Variants in KCNH7 observed in about 807,000 individuals in gnomAD.
KCNH7 encodes the protein voltage-gated inwardly rectifying potassium channel KCNH7.
KCNH7 carries 49 observed loss-of-function variants against 120.8 expected under a neutral mutation model. The ratio of observed to expected loss-of-function variants is 0.41; its 90% confidence interval spans 0.32 to 0.51. The LOEUF is 0.51. Ranked by LOEUF, KCNH7 falls within the 20% of genes least tolerant of loss-of-function variation. The pLI is 0.38. For synonymous variants in KCNH7, 547 were observed against 516.1 expected, an observed-to-expected ratio of 1.06 and a Z score of -0.81; for missense variants, 1,097 against 1,446.6, an observed-to-expected ratio of 0.76 and a Z score of 3.92.
chr2:162,517,387 C>T (rs1691341817), intron 4 of KCNH7, among the ~76,000 whole-genome samples: 1 of 151,778 alleles, frequency 6.6e-6, no homozygotes, highest in South Asian at 2.1e-4. Flanking sequence ...TGATCATTTG[C>T]TAAATGCAGC....
At position 162,469,995 on chromosome 2, in the gene KCNH7, T is replaced by C. The variant is rs573634505; in HGVS notation, c.1129-23552A>G. On this transcript the variant is annotated intron_variant, in intron 6 of 15. Transcript: ENST00000332142. ...AGGTGCCGGGATTGCAGACGGAGTC[T>C]CGTTCACTCAGTGCTCAATGGTGCC... Among the ~76,000 whole-genome samples the C allele has an allele frequency of 5.3e-5, 8 of 152,330 alleles. No individual in the cohort carries two copies. The South Asian group carries it at 1.7e-3, about 32-fold the overall frequency.
intron 5 of KCNH7, among the ~76,000 whole-genome samples, chr2:162,506,369 G>C (rs959738374): frequency 1.2e-4 from 18 of 151,838 alleles, no homozygotes; most frequent in African/African-American, 4.1e-4. Flanking sequence ...ATGCATACCA[G>C]GATAGTGTTT....
chr2:162,558,385 A>T (rs1692934011), intron 2 of KCNH7, among the ~76,000 whole-genome samples: 1 of 151,952 alleles, frequency 6.6e-6, no homozygotes, highest in South Asian at 2.1e-4. Context: ...CATCTTAGCC[A>T]GGATGGTCTC....
rs1256430345 is a variant in KCNH7, at chr2:162,446,373, A to G, written c.1199T>C (p.Ile400Thr). Residue 400 changes from isoleucine to threonine, a missense_variant, in exon 7 of 16, where the codon ATA becomes ACA. By Grantham distance (89) the Ile-to-Thr change is moderately conservative. Coordinates refer to ENST00000332142, the MANE Select transcript of KCNH7 (RefSeq NM_033272.4). ...LQTPRINKFT[I>T]LHYSPFKAVW... ...TGCCTTGAAAGGGCTGTAGTGCAAT[A>G]TCGTAAACTTGTTGATGCGTGGTGT... 1 of 1,613,654 alleles carries G rather than the reference A, an allele frequency of 6.2e-7. No individual in the cohort carries two copies. The highest frequency in any genetic ancestry group is 2.2e-5 in the East Asian group (1 of 44,868).
At chr2:162,748,182 G>A (rs1688380510) in intron 2 of KCNH7, among the ~76,000 whole-genome samples, 1 of 152,150 alleles carries the variant, frequency 6.6e-6, no homozygotes. Context: ...ATAGCCCTTG[G>A]GGAAATCCTG....
At chr2:162,505,878 T>C (rs979341561) in intron 5 of KCNH7, among the ~76,000 whole-genome samples, 1 of 151,854 alleles carries the variant, frequency 6.6e-6, no homozygotes, top group Non-Finnish European at 1.5e-5. Flanking sequence ...CACTTAAAAA[T>C]TAGACTTTAA....
In KCNH7 at chr2:162,446,445, TGAA is replaced by T. The variant is rs1688579982; in HGVS notation, c.1129-5_1129-3del. On this transcript the variant is annotated splice_polypyrimidine_tract_variant and splice_region_variant and intron_variant, in intron 6 of 15. Coordinates refer to ENST00000332142, the MANE Select transcript of KCNH7 (RefSeq NM_033272.4). The stretch of plus-strand genomic sequence containing the variant: ...GACATCTGCTCCTAAAGAGAGAACC[TGAA>T]TGTGCAAAAGAAAATCATACACTAC... 1 of 1,594,968 alleles carries T rather than the reference TGAA, an allele frequency of 6.3e-7. No homozygotes were observed. The highest frequency in any genetic ancestry group is 8.5e-7 in the Non-Finnish European group (1 of 1,170,066).
chr2:162,817,712 AC>A (rs760199284), intron 2 of KCNH7, among the ~76,000 whole-genome samples: 15 of 152,082 alleles, frequency 9.9e-5, no homozygotes, highest in Non-Finnish European at 1.6e-4. Context: ...CCACATCTTC[AC>A]CAACATTTGG....
At chr2:162,698,462 A>G (rs1048768153) in intron 2 of KCNH7, among the ~76,000 whole-genome samples, 4 of 149,582 alleles carry the variant, frequency 2.7e-5, no homozygotes, top group African/African-American at 9.9e-5. Context: ...CCATTGCATG[A>G]GTTTTTTTCA....
chr2:162,390,151 A>T (rs1396495643), intron 12 of KCNH7, among the ~76,000 whole-genome samples: 1 of 151,932 alleles, frequency 6.6e-6, no homozygotes, highest in African/African-American at 2.4e-5. Context: ...TTCTGTCAAC[A>T]GAAAGCGTTG....
At chr2:162,519,537 T>G (rs1178195925) in intron 3 of KCNH7, among the ~76,000 whole-genome samples, 11 of 151,896 alleles carry the variant, frequency 7.2e-5, no homozygotes, top group African/African-American at 1.9e-4. Flanking sequence ...ATGTATCTTT[T>G]TTTATGTCAA....
chr2:162,389,671 T>A (rs915311525), intron 12 of KCNH7, among the ~76,000 whole-genome samples: 13 of 152,198 alleles, frequency 8.5e-5, no homozygotes, highest in African/African-American at 3.1e-4. Flanking sequence ...CAGCAAGAAC[T>A]AATTTTCACA....
chr2:162,380,024 G>A lies in KCNH7; in HGVS notation c.2963-3C>T, dbSNP rs1366753496. 2 of 1,613,648 alleles carry A rather than the reference G, an allele frequency of 1.2e-6. No homozygotes were observed. The highest frequency in any genetic ancestry group is 1.3e-5 in the African/African-American group (1 of 74,902). On this transcript the variant is annotated splice_polypyrimidine_tract_variant and splice_region_variant and intron_variant, in intron 13 of 15. Coordinates refer to ENST00000332142, the MANE Select transcript of KCNH7 (RefSeq NM_033272.4). The stretch of plus-strand genomic sequence containing the variant: ...CCAGCTTCGCATGTCAGTGATATCT[G>A]TGGAAAATAGCAAGATGGATGTCAA...
intron 2 of KCNH7, among the ~76,000 whole-genome samples, chr2:162,825,737 T>C (rs956452427): frequency 1.3e-5 from 2 of 152,038 alleles, no homozygotes; most frequent in African/African-American, 4.8e-5. Context: ...ATGGTCTGTG[T>C]AAAAATTTTA....
chr2:162,490,506 T>A (rs897591293), intron 6 of KCNH7, among the ~76,000 whole-genome samples: 1 of 152,214 alleles, frequency 6.6e-6, no homozygotes, highest in East Asian at 1.9e-4. Flanking sequence ...AAATCCTGTG[T>A]CATTTTGGGA....
chr2:162,794,617 C>T (rs1168381296), intron 2 of KCNH7, among the ~76,000 whole-genome samples: 2 of 152,024 alleles, frequency 1.3e-5, no homozygotes, highest in East Asian at 3.8e-4. Context: ...TTCTTAAAGA[C>T]ACTTATACTC....
chr2:162,441,421 T>G (rs984312832), intron 7 of KCNH7, among the ~76,000 whole-genome samples: 1 of 152,128 alleles, frequency 6.6e-6, no homozygotes, highest in Non-Finnish European at 1.5e-5. Flanking sequence ...CTCTTTTCTA[T>G]TGGAATTTTC....
At chr2:162,817,933 G>A (rs1440179531) in intron 2 of KCNH7, among the ~76,000 whole-genome samples, 3 of 151,772 alleles carry the variant, frequency 2.0e-5, no homozygotes, top group African/African-American at 7.3e-5. Flanking sequence ...AGAGAGATAT[G>A]GACATATTTA....
intron 2 of KCNH7, among the ~76,000 whole-genome samples, chr2:162,668,431 G>A (rs530640390): frequency 6.6e-6 from 1 of 152,248 alleles, no homozygotes; most frequent in South Asian, 2.1e-4. Flanking sequence ...ACCAGGTAGA[G>A]GAAGGACAAG....
Sources: gnomAD v4.1 joint callset for allele counts (sites outside exome capture counted in the v4.1 genomes callset) on GRCh38, gnomAD v4.1.1 for gene constraint, MANE v1.5 for transcripts, NCBI Gene and HGNC (gene_info 2026-07-23, HGNC 2026-07-21) for gene names.